DUOX1: variants seen among roughly 807,000 people sequenced by gnomAD.
DUOX1 encodes the protein dual oxidase 1, also known as NADPH thyroid oxidase 1.
A neutral mutation model predicts 181.8 loss-of-function variants in DUOX1; 134 were observed. That is an observed-to-expected ratio of 0.74 (90% CI 0.64 to 0.85). The LOEUF (loss-of-function observed/expected upper bound fraction) is 0.85, where lower values mean the gene tolerates loss of function less well. Among genes scored for constraint, DUOX1 ranks in the 40% least tolerant of loss-of-function variants. DUOX1 has a pLI of 0.00. For missense variants in DUOX1, 1,814 were observed against 2,064.4 expected (o/e 0.88, Z 2.35); for synonymous variants, 798 against 832.5 (o/e 0.96, Z 0.71).
At chr15:45,158,350 A>G (rs1359741164) in intron 28 of DUOX1, among the ~76,000 whole-genome samples, 1 of 151,532 alleles carries the variant, frequency 6.6e-6, no homozygotes, top group African/African-American at 2.4e-5. Flanking sequence ...GGAAAGGTTC[A>G]AGAATCTAGG....
rs1412378063 is a variant in DUOX1 at position 45,142,028 on chromosome 15, G to C, written c.1738G>C (p.Ala580Pro). 2 of 1,613,812 alleles carry C rather than the reference G, an allele frequency of 1.2e-6. No homozygotes were observed. Among genetic ancestry groups the C allele is most frequent in the Non-Finnish European group, 1.7e-6 (2 of 1,180,010 alleles). ...CAGCACTGAAGGCCTGCCAGCGTGT[G>C]CTCCCTCTGTTGTTCGTGACTATTT... ...QLSTEGLPACAPSVVRDYFEG... is the reference protein window; with the variant it reads ...QLSTEGLPACPPSVVRDYFEG... Residue 580 changes from alanine (A) to proline (P), a missense_variant, in exon 15 of 34, where the codon GCT (alanine) becomes CCT (proline). Coordinates refer to ENST00000389037, the MANE Select transcript of DUOX1 (RefSeq NM_175940.3).
In DUOX1 at chr15:45,140,895, G is replaced by T. The variant is rs1410844499; in HGVS notation, c.1390G>T (p.Val464Leu). The change falls in exon 13 of 34, where the codon GTA becomes TTA. Residue 464 changes from valine to leucine, a missense_variant and splice_region_variant. Around this residue, in one of 5 missense-constraint regions of DUOX1, gnomAD observed 1,064 missense variants for 1,152.9 expected, o/e 0.92. Coordinates refer to ENST00000389037, the MANE Select transcript of DUOX1 (RefSeq NM_175940.3). Reference sequence around the variant, plus strand: ...TACTTCTGCCCCTTCTTGGTTCCAGGTACTGGAGGCCACAGCTGCCCTGTA... The same window carrying T: ...TACTTCTGCCCCTTCTTGGTTCCAGTTACTGGAGGCCACAGCTGCCCTGTA... ...NPALSRSNDT[V>L]LEATAALYNQ... 1 of 1,613,542 alleles carries T rather than the reference G, an allele frequency of 6.2e-7. No individual in the cohort carries two copies. The highest frequency in any genetic ancestry group is 2.2e-5 in the East Asian group (1 of 44,872).
At chr15:45,156,055 C>T (rs979191006) in intron 28 of DUOX1, 126 bp downstream of exon 28, 2 of 1,325,836 alleles carry the variant, frequency 1.5e-6, no homozygotes, top group Non-Finnish European at 2.1e-6. Context: ...TTCTCGACGT[C>T]CCTCTTTGAA....
intron 21 of DUOX1, 53 bp from the exon 22 acceptor site, chr15:45,150,579 T>C: frequency 6.4e-7 from 1 of 1,559,980 alleles, no homozygotes; most frequent in Non-Finnish European, 8.8e-7. Flanking sequence ...TTGAGCCAGG[T>C]CTTCCTGGGC....
intron 10 of DUOX1, 62 bp from the exon 11 acceptor site, chr15:45,139,004 G>C: frequency 2.1e-6 from 3 of 1,455,766 alleles, no homozygotes; most frequent in Admixed American, 1.9e-5. Flanking sequence ...GGAGGGAGCC[G>C]GCTGTCTAAC....
rs777369747 is a variant in DUOX1 at position 45,136,511 on chromosome 15, C to A, written c.926-18C>A. On this transcript the variant is annotated intron_variant, in intron 8 of 33. Coordinates refer to ENST00000389037, the MANE Select transcript of DUOX1 (RefSeq NM_175940.3). ...TTAGGGCTAAATTCTTCTGTCCTCT[C>A]TTCTCCTATTTCCCCAGGATACCGG... 1 of 1,614,138 alleles carries A rather than the reference C, an allele frequency of 6.2e-7. No individual in the cohort carries two copies. Among genetic ancestry groups the A allele is most frequent in the Non-Finnish European group, 8.5e-7 (1 of 1,180,012 alleles).
Position 45,163,875 on chromosome 15 carries a change from C to G in DUOX1, c.4490C>G (p.Pro1497Arg), listed in dbSNP as rs144181354. Residue 1497 changes from proline to arginine, a missense_variant, in exon 33 of 34, where the codon CCC becomes CGC. By Grantham distance (103) the Pro-to-Arg change is moderately radical. This residue lies in a region of DUOX1 where 124 missense variants were observed against 125.7 expected (regional missense o/e 0.99). Transcript: ENST00000389037. ...LRSITHFGRP[P>R]FEPFFNSLQE... Reference sequence around the variant, plus strand: ...TCCATCACCCACTTTGGCCGTCCCCCCTTTGAGCCCTTCTTCAACTCCCTG... The same window carrying G: ...TCCATCACCCACTTTGGCCGTCCCCGCTTTGAGCCCTTCTTCAACTCCCTG... 25 of 1,614,174 alleles carry G rather than the reference C, an allele frequency of 1.5e-5. No individual in the cohort carries two copies. Among genetic ancestry groups the G allele is most frequent in the East Asian group, 4.5e-5 (2 of 44,876 alleles).
At chr15:45,162,077 A>G in intron 30 of DUOX1, 107 bp downstream of exon 30, 2 of 1,463,708 alleles carry the variant, frequency 1.4e-6, no homozygotes, top group Non-Finnish European at 1.9e-6. Flanking sequence ...CTGCATCTAG[A>G]GACTGGTTGT....
rs531273176 is a variant in DUOX1 at position 45,163,085 on chromosome 15, G to C, written c.4249-447G>C. Among the ~76,000 whole-genome samples, 78 of 152,314 alleles carry C rather than the reference G, an allele frequency of 5.1e-4. 1 individual carries two copies. Among genetic ancestry groups the C allele is most frequent in the Admixed American group, 2.4e-3 (36 of 15,302 alleles). ...TTTCCTCCCTCGGAAGCTGCAGAGG[G>C]CTCCCCGCAGGGCAGCTTCCACCCG... On this transcript the variant is annotated intron_variant, in intron 31 of 33. Transcript: ENST00000389037.
chr15:45,135,591 T>C lies in DUOX1; in HGVS notation c.613T>C (p.Phe205Leu). ...GQLASGPDPA[F>L]PRDSQNPLLM... ...GCTGGCGTCGGGGCCCGACCCCGCTTTTCCCCGAGACTCGCAGAACCCCCT... is the reference window on the plus strand; with the variant it reads ...GCTGGCGTCGGGGCCCGACCCCGCTCTTCCCCGAGACTCGCAGAACCCCCT... Residue 205 changes from phenylalanine (F) to leucine (L), a missense_variant, in exon 6 of 34, where the codon TTT (phenylalanine) becomes CTT (leucine). Coordinates refer to ENST00000389037, the MANE Select transcript of DUOX1 (RefSeq NM_175940.3). 1.3e-6 allele frequency: 2 copies of C among 1,565,112 alleles called. No homozygotes were observed. The highest frequency in any genetic ancestry group is 1.7e-6 in the Non-Finnish European group (2 of 1,156,040).
intron 10 of DUOX1, among the ~76,000 whole-genome samples, chr15:45,138,242 C>T (rs1344470813): frequency 6.6e-6 from 1 of 152,162 alleles, no homozygotes; most frequent in Non-Finnish European, 1.5e-5. Flanking sequence ...TGGCCAAAAG[C>T]CAACCCACCA....
intron 18 of DUOX1, among the ~76,000 whole-genome samples, chr15:45,146,671 G>T (rs1462747796): frequency 1.3e-5 from 2 of 152,218 alleles, no homozygotes; most frequent in Non-Finnish European, 2.9e-5. Context: ...ATGAACCCAG[G>T]TCTCTTGCCT....
chr15:45,160,689 G>C, intron 28 of DUOX1, 148 bp from the exon 29 acceptor site: 1 of 830,048 alleles, frequency 1.2e-6, no homozygotes, highest in Admixed American at 3.7e-5. Flanking sequence ...GGAATGGTGA[G>C]GTTTTGCAAC....
chr15:45,141,751 CGTGTGTGTGTGTGT>C (rs5812287), intron 14 of DUOX1, among the ~76,000 whole-genome samples: 7 of 148,702 alleles, frequency 4.7e-5, no homozygotes, highest in East Asian at 2.0e-4. Flanking sequence ...GTGAGGGAAG[CGTGTGTGTGTGTGT>C]GTGTGTGTGT....
rs1316755518 is a variant in DUOX1 at position 45,135,533 on chromosome 15, G to C, written c.555G>C (p.Trp185Cys). ...CCATCTATGGTTCCTCGCATTCCTG[G>C]AGCGACGCGCTGCGGAGCTTCTCCA... The part of the protein sequence containing the change: ...GSAIYGSSHS[W>C]SDALRSFSRG... Residue 185 changes from tryptophan (W) to cysteine (C), a missense_variant, in exon 6 of 34, where the codon TGG (tryptophan) becomes TGC (cysteine). This residue lies in a region of DUOX1 where 320 missense variants were observed against 313.1 expected (regional missense o/e 1.02). Coordinates refer to ENST00000389037, the MANE Select transcript of DUOX1 (RefSeq NM_175940.3). 33 of 1,559,714 alleles carry C rather than the reference G, an allele frequency of 2.1e-5. No individual in the cohort carries two copies. The highest frequency in any genetic ancestry group is 2.9e-5 in the Non-Finnish European group (33 of 1,153,396).
chr15:45,152,367 G>C lies in DUOX1; in HGVS notation c.3275G>C (p.Ser1092Thr). 6.2e-7 allele frequency: 1 copy of C among 1,614,234 alleles called. No homozygotes were observed. The highest frequency in any genetic ancestry group is 1.1e-5 in the South Asian group (1 of 91,086). Reference protein sequence around the residue: ...GIILSRGTAASISFMFSYILL... With the variant: ...GIILSRGTAATISFMFSYILL... ...ATCCTGTCGCGGGGCACAGCAGCCA[G>C]CATCTCTTTCATGTTCTCCTACATC... The change falls in exon 25 of 34, where the codon AGC becomes ACC. Residue 1092 changes from serine (S) to threonine (T), a missense_variant. Around this residue, in one of 5 missense-constraint regions of DUOX1, gnomAD observed 1,064 missense variants for 1,152.9 expected, o/e 0.92. Coordinates refer to ENST00000389037, the MANE Select transcript of DUOX1 (RefSeq NM_175940.3).
chr15:45,132,050 T>C, intron 2 of DUOX1, 26 bp downstream of exon 2: 2 of 1,584,716 alleles, frequency 1.3e-6, no homozygotes, highest in Non-Finnish European at 1.7e-6. Flanking sequence ...AGGAGAAGCA[T>C]GGTTAGGAGC....
At position 45,161,946 on chromosome 15, in the gene DUOX1, T is replaced by C. The variant is rs1567022016; in HGVS notation, c.4065T>C (p.Gly1355=). 6.2e-7 allele frequency: 1 copy of C among 1,613,162 alleles called. No homozygotes were observed. Among genetic ancestry groups the C allele is most frequent in the South Asian group, 1.1e-5 (1 of 90,952 alleles). Residue 1355 remains glycine, a synonymous_variant, in exon 30 of 34, where the codon GGT becomes GGC. Coordinates refer to ENST00000389037, the MANE Select transcript of DUOX1 (RefSeq NM_175940.3). The part of the protein sequence containing the change: ...RLREIYSAPT[G]DRCARYPKLY... ...GGGAGATCTACTCAGCCCCGACGGG[T>C]GACAGATGTGCCAGATACCCAAAGG...
intron 22 of DUOX1, among the ~76,000 whole-genome samples, 173 bp from the exon 23 acceptor site, chr15:45,150,950 G>A (rs1896785797): frequency 6.6e-6 from 1 of 152,196 alleles, no homozygotes; most frequent in Non-Finnish European, 1.5e-5. Flanking sequence ...AGCAGCCTTA[G>A]CGAGGACCCC....
Sources: gnomAD v4.1 joint callset for allele counts (sites outside exome capture counted in the v4.1 genomes callset) on GRCh38, gnomAD v4.1.1 for gene constraint, gnomAD v4.1.1 regional missense constraint, MANE v1.5 for transcripts, NCBI Gene and HGNC (gene_info 2026-07-23, HGNC 2026-07-21) for gene names.